ROBO2: variants seen among roughly 807,000 people sequenced by gnomAD.
The protein encoded by ROBO2 is roundabout homolog 2.
In ROBO2, 53 loss-of-function variants were observed where a neutral mutation model predicts 160.8. The ratio of observed to expected loss-of-function variants is 0.33; its 90% CI spans 0.26 to 0.41. The LOEUF (loss-of-function observed/expected upper bound fraction) is 0.41, where lower values mean the gene tolerates loss of function less well. Among genes scored for constraint, ROBO2 ranks in the 10% least tolerant of loss-of-function variants. ROBO2 has a pLI of 1.00. For missense variants in ROBO2, 1,577 were observed against 1,722.4 expected (o/e 0.92, Z 1.49); for synonymous variants, 664 against 611.7 (o/e 1.09, Z -1.26).
chr3:77,429,321 C>T (rs2078533620), intron 2 of ROBO2, among the ~76,000 whole-genome samples: 1 of 152,164 alleles, frequency 6.6e-6, no homozygotes, highest in Non-Finnish European at 1.5e-5. Context: ...CTTTACCAGA[C>T]TATGACACAT....
chr3:76,935,406 G>A (rs2077633435), intron 2 of ROBO2, among the ~76,000 whole-genome samples: 1 of 152,054 alleles, frequency 6.6e-6, no homozygotes, highest in African/African-American at 2.4e-5. Context: ...CAATTGTCTT[G>A]CTAATACATG....
chr3:77,257,813 C>T (rs2058519908), intron 2 of ROBO2, among the ~76,000 whole-genome samples: 1 of 152,082 alleles, frequency 6.6e-6, no homozygotes, highest in South Asian at 2.1e-4. Context: ...ATTTTTGGTT[C>T]GTATTATGGG....
intron 2 of ROBO2, among the ~76,000 whole-genome samples, chr3:76,248,842 A>C (rs1324358231): frequency 1.3e-5 from 2 of 151,968 alleles, no homozygotes; most frequent in African/African-American, 4.8e-5. Flanking sequence ...CCATGAAAAG[A>C]CCTATGCTGT....
intron 2 of ROBO2, among the ~76,000 whole-genome samples, chr3:76,631,628 A>G (rs2109460519): frequency 8.2e-6 from 1 of 121,958 alleles, no homozygotes; most frequent in Middle Eastern, 4.2e-3. Context: ...TTGGAAAGGC[A>G]TATTTTAAAA....
At chr3:77,007,761 A>G (rs1368695159) in intron 2 of ROBO2, among the ~76,000 whole-genome samples, 1 of 152,102 alleles carries the variant, frequency 6.6e-6, no homozygotes, top group Non-Finnish European at 1.5e-5. Context: ...ATCTTTGAGC[A>G]TCTGTGAGAT....
chr3:77,148,492 T>G (rs2150502807), intron 2 of ROBO2, among the ~76,000 whole-genome samples: 1 of 152,358 alleles, frequency 6.6e-6, no homozygotes, highest in South Asian at 2.1e-4. Context: ...TAGTTCGTAT[T>G]TCTCATATAA....
intron 2 of ROBO2, among the ~76,000 whole-genome samples, chr3:77,410,801 C>T (rs1023191163): frequency 6.7e-6 from 1 of 148,226 alleles, no homozygotes; most frequent in Non-Finnish European, 1.5e-5. Flanking sequence ...CCCCCTCCCT[C>T]TCCTCCTCCT....
At chr3:76,547,081 A>T (rs1482454909) in intron 2 of ROBO2, among the ~76,000 whole-genome samples, 1 of 151,950 alleles carries the variant, frequency 6.6e-6, no homozygotes, top group African/African-American at 2.4e-5. Flanking sequence ...AGAAATCAAA[A>T]ATTTTCCCTT....
chr3:77,467,302 A>T (rs1480658127), intron 2 of ROBO2, among the ~76,000 whole-genome samples: 1 of 152,170 alleles, frequency 6.6e-6, no homozygotes. Flanking sequence ...TAATAATTTA[A>T]TTTTTGTTTT....
At chr3:76,774,092 T>C (rs779199100) in intron 2 of ROBO2, among the ~76,000 whole-genome samples, 3 of 150,940 alleles carry the variant, frequency 2.0e-5, no homozygotes, top group Non-Finnish European at 3.0e-5. Context: ...GTAAATATGT[T>C]CAGAAACTAA....
intron 2 of ROBO2, among the ~76,000 whole-genome samples, chr3:76,888,226 G>A: frequency 6.6e-6 from 1 of 152,098 alleles, no homozygotes; most frequent in East Asian, 1.9e-4. Context: ...AGATTAGCCA[G>A]GTGTAGTGGT....
chr3:77,478,581 C>G (rs982130210), intron 3 of ROBO2, among the ~76,000 whole-genome samples: 1 of 152,150 alleles, frequency 6.6e-6, no homozygotes, highest in Admixed American at 6.5e-5. Context: ...AACCAACCCA[C>G]AGAAATAGTA....
At chr3:77,613,182 C>A (rs2094689061) in intron 21 of ROBO2, among the ~76,000 whole-genome samples, 1 of 151,518 alleles carries the variant, frequency 6.6e-6, no homozygotes, top group South Asian at 2.1e-4. Context: ...GCACATGATG[C>A]ATATAACACA....
intron 2 of ROBO2, among the ~76,000 whole-genome samples, chr3:76,272,839 ATT>A (rs1559705753): frequency 2.9e-5 from 1 of 34,206 alleles, no homozygotes; most frequent in East Asian, 6.0e-4. Flanking sequence ...AAATATATAT[ATT>A]ATATATTATA....
intron 2 of ROBO2, among the ~76,000 whole-genome samples, chr3:77,113,905 C>T (rs892540918): frequency 1.4e-4 from 22 of 152,102 alleles, no homozygotes; most frequent in Non-Finnish European, 1.8e-4. Context: ...TAGAAGCTGG[C>T]AGGTTGGAGG....
At chr3:76,227,369 C>A (rs371082266) in intron 2 of ROBO2, among the ~76,000 whole-genome samples, 8 of 152,048 alleles carry the variant, frequency 5.3e-5, no homozygotes, top group Non-Finnish European at 5.9e-5. Context: ...TTCATTTATT[C>A]TTTTTCTGAG....
chr3:76,113,583 G>A (rs764606202), intron 2 of ROBO2, among the ~76,000 whole-genome samples: 11 of 152,016 alleles, frequency 7.2e-5, no homozygotes, highest in Admixed American at 2.6e-4. Flanking sequence ...TAGGAATATC[G>A]GAGTACTTGA....
chr3:76,074,652 G>T (rs578050274), intron 2 of ROBO2, among the ~76,000 whole-genome samples: 2 of 152,204 alleles, frequency 1.3e-5, no homozygotes, highest in South Asian at 4.1e-4. Flanking sequence ...CCATATGTTA[G>T]GTTAAATACT....
intron 19 of ROBO2, 134 bp downstream of exon 20, chr3:77,596,884 A>G (rs1159033693): frequency 2.3e-5 from 24 of 1,047,368 alleles, no homozygotes; most frequent in Non-Finnish European, 3.1e-5. Context: ...AAACATATGC[A>G]CTAACAGTGT....
Sources: allele counts gnomAD v4.1 joint callset (sites outside exome capture counted in the v4.1 genomes callset), GRCh38; gene constraint gnomAD v4.1.1; transcripts MANE v1.5; gene names NCBI Gene and HGNC (gene_info 2026-07-23, HGNC 2026-07-21).